Variants in INTS3 observed in about 807,000 individuals in gnomAD.
The protein encoded by INTS3 is SOSS complex subunit A.
A neutral mutation model predicts 146.3 loss-of-function variants in INTS3; 34 were observed. The ratio of observed to expected loss-of-function variants is 0.23; its 90% CI spans 0.18 to 0.31. The LOEUF is 0.31. Ranked by LOEUF, INTS3 falls within the 10% of genes least tolerant of loss-of-function variation. INTS3 has a pLI of 1.00. For missense variants in INTS3, 757 were observed against 1,304.2 expected, an observed-to-expected ratio of 0.58 and a Z score of 6.46; for synonymous variants, 475 against 494.9, an observed-to-expected ratio of 0.96 and a Z score of 0.53.
chr1:153,732,931 G>C (rs1446188143), intron 1 of INTS3, among the ~76,000 whole-genome samples: 1 of 151,620 alleles, frequency 6.6e-6, no homozygotes, highest in Non-Finnish European at 1.5e-5. Context: ...AGCCTCCTGA[G>C]TAGCTAGGAG....
intron 15 of INTS3, 74 bp from the exon 16 acceptor site, chr1:153,763,159 T>A (rs1672447452): frequency 1.3e-6 from 2 of 1,585,226 alleles, no homozygotes; most frequent in Admixed American, 3.3e-5. Context: ...AGGAAGGGGA[T>A]AAGTCATTGA....
chr1:153,739,260 T>C (rs766683347), intron 1 of INTS3, among the ~76,000 whole-genome samples: 3 of 151,624 alleles, frequency 2.0e-5, no homozygotes, highest in African/African-American at 4.9e-5. Flanking sequence ...GACAGGGTTT[T>C]TTCACCATGT....
At chr1:153,739,748 C>T (rs909508596) in intron 1 of INTS3, among the ~76,000 whole-genome samples, 5 of 151,482 alleles carry the variant, frequency 3.3e-5, no homozygotes, top group Non-Finnish European at 7.4e-5. Flanking sequence ...GGATTACAGG[C>T]GTGAGCCACT....
chr1:153,761,143 C>T, intron 13 of INTS3: 1 of 1,188,218 alleles, frequency 8.4e-7, no homozygotes, highest in Non-Finnish European at 1.1e-6. Context: ...CTGTTGACCC[C>T]CTTCAGGGAT....
At position 153,757,878 on chromosome 1, in the gene INTS3, T is replaced by A; in HGVS notation, c.1149+115T>A. The stretch of plus-strand genomic sequence containing the variant: ...ACCCCTAAGGGCCCTTCTTTCACTC[T>A]GGTCTTCCAGAGTGTCTCAGCCTTC... On this transcript the variant is annotated intron_variant, in intron 10 of 29. Transcript: ENST00000318967. The surrounding 1 kb of genome is among the most constrained non-coding windows in gnomAD (Gnocchi z 4.0). The A allele has an allele frequency of 2.6e-6, 2 of 757,862 alleles. No individual in the cohort carries two copies. The highest frequency in any genetic ancestry group is 4.4e-6 in the Non-Finnish European group (2 of 457,808). The allele number at this position is 757,862 out of a possible 1,614,324, so 46.9% of individuals were successfully genotyped here.
At chr1:153,750,789 G>C in intron 6 of INTS3, 1 of 388,480 alleles carries the variant, frequency 2.6e-6, no homozygotes, top group Non-Finnish European at 4.6e-6. Flanking sequence ...TTGAATGAAT[G>C]AGTCAACAAA....
At chr1:153,737,602 G>A (rs763545833) in intron 1 of INTS3, among the ~76,000 whole-genome samples, 19 of 152,108 alleles carry the variant, frequency 1.2e-4, no homozygotes, top group Non-Finnish European at 2.5e-4. Flanking sequence ...AGGTTCAGGC[G>A]ATTCCTCTGC....
intron 1 of INTS3, among the ~76,000 whole-genome samples, chr1:153,731,901 CTTTTTTTTTTT>C (rs34353204): frequency 1.1e-4 from 7 of 65,282 alleles, no homozygotes; most frequent in African/African-American, 5.2e-4. Flanking sequence ...CTTTTTTTAA[CTTTTTTTTTTT>C]TTTTTTTTTT....
In INTS3 at chr1:153,746,911, C is replaced by T. The variant is rs745789564; in HGVS notation, c.319-46C>T. 4.6e-6 allele frequency: 6 copies of T among 1,303,048 alleles called. No individual in the cohort carries two copies. The Admixed American group carries it at 6.8e-5, about 15-fold the overall frequency. 80.7% of individuals were successfully genotyped at this position (1,303,048 alleles called of 1,614,324 possible). On this transcript the variant is annotated intron_variant, in intron 3 of 29. Coordinates refer to ENST00000318967, the MANE Select transcript of INTS3 (RefSeq NM_023015.5). The stretch of plus-strand genomic sequence containing the variant: ...GGGTCCACTGTGGGTGGGGTGAGGA[C>T]CTTATCCTCAGCTTGCTGGCTGATC...
chr1:153,745,683 G>A (rs1671705634), intron 3 of INTS3, among the ~76,000 whole-genome samples: 1 of 151,682 alleles, frequency 6.6e-6, no homozygotes, highest in African/African-American at 2.4e-5. Context: ...AAGGGGGGAA[G>A]GGAAGCAATA....
intron 5 of INTS3, 50 bp from the exon 6 acceptor site, chr1:153,748,639 T>C (rs777528913): frequency 6.8e-7 from 1 of 1,462,786 alleles, no homozygotes. Flanking sequence ...TGTATTGGAT[T>C]GGCTGACTTG....
At position 153,760,320 on chromosome 1, in the gene INTS3, T is replaced by G; in HGVS notation, c.1247T>G (p.Ile416Ser). 1 of 1,547,312 alleles carries G rather than the reference T, an allele frequency of 6.5e-7. No homozygotes were observed. Among genetic ancestry groups the G allele is most frequent in the Non-Finnish European group, 8.8e-7 (1 of 1,138,238 alleles). Residue 416 changes from isoleucine to serine, a missense_variant, in exon 12 of 30, where the codon ATC (isoleucine) becomes AGC (serine). Ile to Ser is a moderately radical substitution (Grantham distance 142). Around this residue, in one of 8 missense-constraint regions of INTS3, gnomAD observed 35 missense variants for 122.2 expected, o/e 0.29. Coordinates refer to ENST00000318967, the MANE Select transcript of INTS3 (RefSeq NM_023015.5). The stretch of plus-strand genomic sequence containing the variant: ...ATTTCACATCCTCCAGAACCAGCCA[T>G]CCTGGTCATGCACCACTCCATGAAG... ...KDSIMNIEPA[I>S]LVMHHSMKPH... is the part of the protein sequence containing the mutation.
rs182079337 is a variant in INTS3 at position 153,752,462 on chromosome 1, G to T, written c.859+54G>T. The T allele has an allele frequency of 1.3e-5, 21 of 1,556,574 alleles. No homozygotes were observed. The Admixed American group carries it at 3.8e-4, about 28-fold the overall frequency. ...TGAGAGCTGGGAGTTCAATGTGTAT[G>T]TCTTGCTTGAATCAAGAAGGTAGAG... On this transcript the variant is annotated intron_variant, in intron 8 of 29. Coordinates refer to ENST00000318967, the MANE Select transcript of INTS3 (RefSeq NM_023015.5).
intron 3 of INTS3, among the ~76,000 whole-genome samples, chr1:153,743,993 T>C (rs983136601): frequency 6.6e-6 from 1 of 151,868 alleles, no homozygotes; most frequent in Non-Finnish European, 1.5e-5. Context: ...TTACTTTTCT[T>C]TGAGACTCTC....
intron 25 of INTS3, 55 bp downstream of exon 25, chr1:153,770,788 C>T (rs1672819430): frequency 7.1e-7 from 1 of 1,412,802 alleles, no homozygotes; most frequent in Non-Finnish European, 1.0e-6. Flanking sequence ...CCAAGAGCTG[C>T]TGTGGTCTAA....
chr1:153,756,407 G>C (rs1161512719), intron 9 of INTS3, among the ~76,000 whole-genome samples: 1 of 151,874 alleles, frequency 6.6e-6, no homozygotes, highest in African/African-American at 2.4e-5. Context: ...AGTGGCATGT[G>C]CCTGTAATCC....
At chr1:153,770,606 T>C (rs117850082) in intron 24 of INTS3, 79 bp from the exon 25 acceptor site, 2 of 1,199,094 alleles carry the variant, frequency 1.7e-6, no homozygotes, top group Non-Finnish European at 1.2e-6. Context: ...CCAGTGGCTG[T>C]TGGGGGATGA....
intron 16 of INTS3, 66 bp from the exon 17 acceptor site, chr1:153,763,766 G>A: frequency 3.0e-6 from 4 of 1,343,036 alleles, no homozygotes; most frequent in African/African-American, 1.4e-5. Context: ...GCACTGTTCT[G>A]GGTGTGTGTC....
intron 22 of INTS3, among the ~76,000 whole-genome samples, chr1:153,769,374 G>A (rs1558009548): frequency 6.6e-6 from 1 of 152,116 alleles, no homozygotes; most frequent in Non-Finnish European, 1.5e-5. Context: ...CCTGCACTGG[G>A]ATCCCATTTC....
Sources: allele counts gnomAD v4.1 joint callset (sites outside exome capture counted in the v4.1 genomes callset), GRCh38; gene constraint gnomAD v4.1.1; regional missense constraint gnomAD v4.1.1; non-coding constraint Gnocchi (gnomAD v3.1); transcripts MANE v1.5; gene names NCBI Gene and HGNC (gene_info 2026-07-23, HGNC 2026-07-21).